KCNS3: variants seen among roughly 807,000 people sequenced by gnomAD.
KCNS3 encodes potassium voltage-gated channel modifier subfamily S member 3, also known as delayed-rectifier potassium channel regulatory subunit KCNS3.
In KCNS3, 13 loss-of-function variants were observed where a neutral mutation model predicts 31.0. The ratio of observed to expected loss-of-function variants is 0.42; its 90% confidence interval spans 0.27 to 0.67. The LOEUF is 0.67. Among genes scored for constraint, KCNS3 ranks in the 30% least tolerant of loss-of-function variants. KCNS3 has a pLI of 0.25. For missense variants in KCNS3, 545 were observed against 622.4 expected (o/e 0.88, Z 1.32); for synonymous variants, 238 against 241.5 (o/e 0.99, Z 0.13).
chr2:17,928,427 C>A (rs532952279), intron 2 of KCNS3, among the ~76,000 whole-genome samples: 11 of 152,208 alleles, frequency 7.2e-5, no homozygotes, highest in African/African-American at 2.6e-4. Flanking sequence ...ACACCATGCC[C>A]AGCTAATTTT....
At chr2:17,905,469 T>C (rs546081250) in intron 1 of KCNS3, among the ~76,000 whole-genome samples, 299 of 152,130 alleles carry the variant, frequency 2.0e-3, no homozygotes, top group African/African-American at 6.7e-3. Flanking sequence ...TCCTGCCTGA[T>C]TGCCCTGGCC....
At chr2:17,884,753 A>C (rs1236127592) in intron 1 of KCNS3, among the ~76,000 whole-genome samples, 1 of 152,190 alleles carries the variant, frequency 6.6e-6, no homozygotes, top group African/African-American at 2.4e-5. Flanking sequence ...CTCTGTGTAT[A>C]GAGTTATAGC....
chr2:17,932,358 C>G lies in KCNS3; in HGVS notation c.1350C>G (p.Thr450=), dbSNP rs377585654. The change falls in exon 3 of 3, where the codon ACC becomes ACG. Residue 450 remains threonine (T), a synonymous_variant. Transcript: ENST00000304101. The part of the protein sequence containing the change: ...IRDIYAQRMH[T]FITSLSSVGI... ...ATATATATGCACAGCGGATGCACAC[C>G]TTCATTACCAGTCTCTCTTCTGTAG... 6.2e-7 allele frequency: 1 copy of G among 1,614,102 alleles called. No homozygotes were observed. The highest frequency in any genetic ancestry group is 1.3e-5 in the African/African-American group (1 of 75,020).
chr2:17,917,431 C>T (rs1192870532), intron 1 of KCNS3, among the ~76,000 whole-genome samples: 3 of 152,160 alleles, frequency 2.0e-5, no homozygotes, highest in African/African-American at 7.2e-5. Context: ...TTTTAGTGGC[C>T]TCTGTCAGTA....
At chr2:17,885,019 T>C (rs1014274224) in intron 1 of KCNS3, among the ~76,000 whole-genome samples, 2 of 151,562 alleles carry the variant, frequency 1.3e-5, no homozygotes, top group Non-Finnish European at 2.9e-5. Flanking sequence ...TTAATAGCAT[T>C]ATTTATATGT....
At chr2:17,921,465 AT>A (rs1050253520) in intron 2 of KCNS3, among the ~76,000 whole-genome samples, 1 of 151,994 alleles carries the variant, frequency 6.6e-6, no homozygotes, top group East Asian at 1.9e-4. Flanking sequence ...ATTAACAATG[AT>A]TTTTTTTATA....
rs1167891918 is a variant in KCNS3 at position 17,931,785 on chromosome 2, C to A, written c.777C>A (p.Asp259Glu). 6.2e-7 allele frequency: 1 copy of A among 1,614,186 alleles called. No homozygotes were observed. Among genetic ancestry groups the A allele is most frequent in the Non-Finnish European group, 8.5e-7 (1 of 1,180,030 alleles). ...KFWKNPLNII[D>E]FVSIIPFYAT... is the part of the protein sequence containing the mutation. ...GGAAAAACCCTCTGAACATCATTGA[C>A]TTTGTCTCTATTATTCCCTTCTATG... The change falls in exon 3 of 3, where the codon GAC becomes GAA. Residue 259 changes from aspartate (D) to glutamate (E), a missense_variant. Coordinates refer to ENST00000304101, the MANE Select transcript of KCNS3 (RefSeq NM_002252.5). The surrounding 1 kb of genome is among the most constrained non-coding windows in gnomAD (Gnocchi z 5.4).
chr2:17,903,580 T>C (rs1277560781), intron 1 of KCNS3, among the ~76,000 whole-genome samples: 1 of 152,124 alleles, frequency 6.6e-6, no homozygotes, highest in African/African-American at 2.4e-5. Flanking sequence ...TAACATTAGG[T>C]ATATCTCCTA....
chr2:17,888,282 A>C (rs1572478733), intron 1 of KCNS3, among the ~76,000 whole-genome samples: 2 of 152,064 alleles, frequency 1.3e-5, no homozygotes, highest in South Asian at 2.1e-4. Flanking sequence ...GAGTTTTTCC[A>C]TTGTTATCTT....
At chr2:17,909,433 C>T (rs139983257) in intron 1 of KCNS3, among the ~76,000 whole-genome samples, 1,733 of 152,256 alleles carry the variant, frequency 0.011, 29 homozygotes, top group African/African-American at 0.039. Context: ...TGCCCTGCTT[C>T]GGCTCACACT....
chr2:17,887,483 T>TGATC (rs764257756), intron 1 of KCNS3, among the ~76,000 whole-genome samples: 803 of 78,658 alleles, frequency 0.01, 7 homozygotes, highest in African/African-American at 0.034. Flanking sequence ...TTCTATCATA[T>TGATC]GATCTATCTA....
chr2:17,928,579 T>C (rs1394542634), intron 2 of KCNS3, among the ~76,000 whole-genome samples: 1 of 152,262 alleles, frequency 6.6e-6, no homozygotes, highest in South Asian at 2.1e-4. Context: ...GTCAATTTCG[T>C]TGATTGTTTT....
chr2:17,890,045 C>G (rs761726605), intron 1 of KCNS3, among the ~76,000 whole-genome samples: 1 of 152,098 alleles, frequency 6.6e-6, no homozygotes, highest in Non-Finnish European at 1.5e-5. Flanking sequence ...GCTGTGAATC[C>G]ATCTGGTCCT....
intron 1 of KCNS3, among the ~76,000 whole-genome samples, chr2:17,899,550 A>G (rs1662116517): frequency 6.6e-6 from 1 of 152,204 alleles, no homozygotes; most frequent in Non-Finnish European, 1.5e-5. Flanking sequence ...CCTGGATTCA[A>G]ATCTTAGCTC....
chr2:17,889,592 G>T (rs567174340), intron 1 of KCNS3, among the ~76,000 whole-genome samples: 1 of 152,148 alleles, frequency 6.6e-6, no homozygotes, highest in South Asian at 2.1e-4. Flanking sequence ...ATTACATTAA[G>T]GTATGTCCCT....
intron 1 of KCNS3, among the ~76,000 whole-genome samples, chr2:17,901,502 G>T (rs1480136235): frequency 6.6e-6 from 1 of 152,140 alleles, no homozygotes; most frequent in African/African-American, 2.4e-5. Context: ...GGGAAAATGT[G>T]GATGTGCTTA....
chr2:17,904,586 G>A (rs1662270326), intron 1 of KCNS3, among the ~76,000 whole-genome samples: 1 of 152,136 alleles, frequency 6.6e-6, no homozygotes, highest in Non-Finnish European at 1.5e-5. Context: ...GGTTTTTATG[G>A]TTTTAGGTCT....
intron 1 of KCNS3, among the ~76,000 whole-genome samples, chr2:17,887,408 G>A (rs1438431888): frequency 6.6e-6 from 1 of 152,020 alleles, no homozygotes; most frequent in Non-Finnish European, 1.5e-5. Flanking sequence ...TAGAATGATA[G>A]TCTCCAATCT....
chr2:17,898,302 C>T lies in KCNS3; in HGVS notation c.-251-19378C>T, dbSNP rs142518749. Among the ~76,000 whole-genome samples the T allele has an allele frequency of 3.6e-4, 50 of 140,632 alleles. 1 individual carries two copies. Among genetic ancestry groups the T allele is most frequent in the African/African-American group, 1.3e-3 (50 of 37,854 alleles). The allele number at this position is 140,632 out of a possible 152,430, so 92.3% of individuals were successfully genotyped here. ...GGCTATTCAGGCTCTTTTTTTGGTT[C>T]CATATGAATTTCAAAGTAGTTTTGT... On this transcript the variant is annotated intron_variant, in intron 1 of 2. Coordinates refer to ENST00000304101, the MANE Select transcript of KCNS3 (RefSeq NM_002252.5).
Sources: gnomAD v4.1 joint callset for allele counts (sites outside exome capture counted in the v4.1 genomes callset) on GRCh38, gnomAD v4.1.1 for gene constraint, Gnocchi (gnomAD v3.1) non-coding constraint, MANE v1.5 for transcripts, NCBI Gene and HGNC (gene_info 2026-07-23, HGNC 2026-07-21) for gene names.